LTF: variants seen among roughly 807,000 people sequenced by gnomAD.
The protein encoded by LTF is epididymis luminal protein 110.
LTF carries 91 observed loss-of-function variants against 87.2 expected under a neutral mutation model. The ratio of observed to expected loss-of-function variants is 1.04; its 90% CI spans 0.88 to 1.24. The LOEUF (loss-of-function observed/expected upper bound fraction) is 1.24, where lower values mean the gene tolerates loss of function less well. Among genes scored for constraint, LTF ranks in the 50% most tolerant of loss-of-function variants. LTF has a pLI of 0.00. For synonymous variants in LTF, 378 were observed against 356.1 expected (o/e 1.06, Z -0.69); for missense variants, 901 against 904.3 (o/e 1.00, Z 0.05).
intron 1 of LTF, among the ~76,000 whole-genome samples, chr3:46,471,478 G>A (rs1036812583): frequency 6.6e-6 from 1 of 152,210 alleles, no homozygotes; most frequent in Non-Finnish European, 1.5e-5. Flanking sequence ...TTCACTCTGA[G>A]TTCCAGGAGG....
chr3:46,466,759 A>T (rs1208102971), upstream of LTF, among the ~76,000 whole-genome samples: 2 of 152,246 alleles, frequency 1.3e-5, no homozygotes, highest in Admixed American at 1.3e-4. Context: ...TCTTTCAAAA[A>T]TACTGAAGAA....
chr3:46,458,322 T>C (rs1052171353), intron 2 of LTF, among the ~76,000 whole-genome samples: 1 of 152,264 alleles, frequency 6.6e-6, no homozygotes. Flanking sequence ...ATACAAGTTT[T>C]ATTTTTAACC....
intron 12 of LTF, among the ~76,000 whole-genome samples, chr3:46,444,769 G>C (rs1702604219): frequency 6.6e-6 from 1 of 152,230 alleles, no homozygotes; most frequent in Non-Finnish European, 1.5e-5. Context: ...GGCTGATGCT[G>C]ACTAGGATGA....
intron 3 of LTF, 54 bp from the exon 4 acceptor site, chr3:46,456,032 A>G: frequency 6.8e-7 from 1 of 1,464,676 alleles, no homozygotes; most frequent in Non-Finnish European, 9.1e-7. Context: ...GAGGGACAAA[A>G]ACAACCCATC....
In LTF at chr3:46,459,717, C is replaced by A; in HGVS notation, c.146G>T (p.Arg49Leu). Residue 49 changes from arginine to leucine, a missense_variant, in exon 2 of 17, where the codon CGT becomes CTT. By Grantham distance (102) the Arg-to-Leu change is moderately radical. Coordinates refer to ENST00000231751, the MANE Select transcript of LTF (RefSeq NM_002343.6). Reference protein sequence around the residue: ...FQWQRNMRKVRGPPVSCIKRD... With the variant: ...FQWQRNMRKVLGPPVSCIKRD... ...CTTTATGCAGCTGACAGGAGGGCCA[C>A]GCACTTTTCTCATATTCCTTTGCCA... The A allele has an allele frequency of 6.3e-7, 1 of 1,579,100 alleles. No homozygotes were observed. The highest frequency in any genetic ancestry group is 8.6e-7 in the Non-Finnish European group (1 of 1,165,654).
At chr3:46,472,250 C>T (rs992545854) in intron 1 of LTF, among the ~76,000 whole-genome samples, 1 of 151,942 alleles carries the variant, frequency 6.6e-6, no homozygotes, top group Admixed American at 6.6e-5. Context: ...ACTGAAATTA[C>T]ACCCTCCCAA....
At chr3:46,462,032 T>C (rs1703094364) in intron 1 of LTF, among the ~76,000 whole-genome samples, 1 of 152,148 alleles carries the variant, frequency 6.6e-6, no homozygotes, top group African/African-American at 2.4e-5. Context: ...CTAGCTGCCA[T>C]ACTCCCCCTT....
intron 1 of LTF, among the ~76,000 whole-genome samples, chr3:46,478,757 G>A (rs1703395146): frequency 6.6e-6 from 1 of 152,220 alleles, no homozygotes; most frequent in Admixed American, 6.5e-5. Flanking sequence ...CAATTTCCAG[G>A]ATATTTGGAA....
At chr3:46,438,714 C>T (rs1702446120) in intron 15 of LTF, among the ~76,000 whole-genome samples, 1 of 152,184 alleles carries the variant, frequency 6.6e-6, no homozygotes, top group South Asian at 2.1e-4. Flanking sequence ...TTATGGTGGC[C>T]AGTCTTGTTA....
At chr3:46,477,869 TCCCTTTC>T (rs1349385994) in intron 1 of LTF, among the ~76,000 whole-genome samples, 1 of 152,226 alleles carries the variant, frequency 6.6e-6, no homozygotes, top group East Asian at 1.9e-4. Flanking sequence ...TGCAAAGAGT[TCCCTTTC>T]CCCAGGCGGC....
intron 1 of LTF, among the ~76,000 whole-genome samples, chr3:46,472,182 C>T (rs1053827731): frequency 6.6e-6 from 1 of 152,076 alleles, no homozygotes; most frequent in Non-Finnish European, 1.5e-5. Flanking sequence ...CTAGCACAAA[C>T]TCATATGACT....
Position 46,445,372 on chromosome 3 carries a change from G to A in LTF, c.1422C>T (p.Gly474=). 1 of 1,614,026 alleles carries A rather than the reference G, an allele frequency of 6.2e-7. No individual in the cohort carries two copies. Among genetic ancestry groups the A allele is most frequent in the Non-Finnish European group, 8.5e-7 (1 of 1,179,912 alleles). ...DTSLTWNSVK[G]KKSCHTAVDR... is the part of the protein sequence containing the mutation. ...CCACGGCGGTGTGGCAGGACTTCTT[G>A]CCTTTCACAGAGTTCCAGGTAAGGC... Residue 474 remains glycine (G), a synonymous_variant, in exon 12 of 17, where the codon GGC becomes GGT. Transcript: ENST00000231751.
intron 12 of LTF, 90 bp downstream of exon 12, chr3:46,445,191 A>G (rs1702618444): frequency 1.5e-6 from 2 of 1,330,822 alleles, no homozygotes; most frequent in South Asian, 1.4e-5. Flanking sequence ...TCAGCCTGCA[A>G]ATCCCCTCCC....
chr3:46,485,169 G>T, exon 1 of LTF: 1 of 152,578 alleles, frequency 6.6e-6, no homozygotes, highest in Non-Finnish European at 1.5e-5. Context: ...GGCTGCTGGA[G>T]GGCCCCCACG....
intron 2 of LTF, 126 bp downstream of exon 2, chr3:46,459,530 C>T (rs531126393): frequency 3.0e-5 from 27 of 897,864 alleles, no homozygotes; most frequent in Admixed American, 7.4e-5. Context: ...TGAGAGAGGA[C>T]GGCTCCCCAC....
At chr3:46,454,121 C>T in intron 6 of LTF, 184 bp downstream of exon 6, 1 of 626,798 alleles carries the variant, frequency 1.6e-6, no homozygotes, top group Non-Finnish European at 2.9e-6. Context: ...AGGCAGTAGG[C>T]ACAGGAGGTT....
intron 16 of LTF, among the ~76,000 whole-genome samples, chr3:46,437,152 G>A (rs1702403432): frequency 6.6e-6 from 1 of 152,122 alleles, no homozygotes; most frequent in Admixed American, 6.5e-5. Context: ...AAATCCCACA[G>A]TTATCACCGG....
intron 1 of LTF, among the ~76,000 whole-genome samples, chr3:46,483,243 A>G (rs72900298): frequency 0.054 from 8,188 of 152,296 alleles, 766 homozygotes; most frequent in African/African-American, 0.19. Context: ...CCCATGAGCC[A>G]GAATGAGCCA....
chr3:46,459,554 A>G lies in LTF; in HGVS notation c.207+102T>C, dbSNP rs765699492. 82 of 1,176,184 alleles carry G rather than the reference A, an allele frequency of 7.0e-5. 1 individual carries two copies. Among genetic ancestry groups the G allele is most frequent in the Non-Finnish European group, 8.7e-5 (78 of 895,768 alleles). The allele number at this position is 1,176,184 out of a possible 1,614,324, so 72.9% of individuals were successfully genotyped here. A position where few individuals can be genotyped will look rare whatever the true frequency, so the allele number is the denominator to read the frequency against. Reference sequence around the variant, plus strand: ...ACGGCTCCCCACTTCGTTGCCCAACAGGTGAAGCAGAGGAAGTAAGGAGAG... The same window carrying G: ...ACGGCTCCCCACTTCGTTGCCCAACGGGTGAAGCAGAGGAAGTAAGGAGAG... On this transcript the variant is annotated intron_variant, in intron 2 of 16. Transcript: ENST00000231751.
Sources: gnomAD v4.1 joint callset for allele counts (sites outside exome capture counted in the v4.1 genomes callset) on GRCh38, gnomAD v4.1.1 for gene constraint, MANE v1.5 for transcripts, NCBI Gene and HGNC (gene_info 2026-07-23, HGNC 2026-07-21) for gene names.